Variants in ABCC5 observed in about 807,000 individuals in gnomAD.
ABCC5 encodes the protein ATP-binding cassette sub-family C member 5.
Under a neutral mutation model 160.9 loss-of-function variants are expected in ABCC5, and 61 were observed. That is an observed-to-expected ratio of 0.38 (90% CI 0.31 to 0.47). The LOEUF (loss-of-function observed/expected upper bound fraction) is 0.47, where lower values mean the gene tolerates loss of function less well. Ranked by LOEUF, ABCC5 falls within the 20% of genes least tolerant of loss-of-function variation. ABCC5 has a pLI of 0.99. For synonymous variants in ABCC5, 666 were observed against 700.6 expected (o/e 0.95, Z 0.78); for missense variants, 1,308 against 1,813.3 (o/e 0.72, Z 5.06).
chr3:184,014,697 A>G lies in ABCC5; in HGVS notation c.-55-250T>C, dbSNP rs115717431. Among the ~76,000 whole-genome samples, 645 of 152,280 alleles carry G rather than the reference A, an allele frequency of 4.2e-3. 6 individuals are homozygous for G. Among genetic ancestry groups the G allele is most frequent in the African/African-American group, 0.015 (619 of 41,570 alleles). ...CAACTCTAAGGGAAAAAAAATTAGA[A>G]ACAGTAAACACACTAGTAAAGAGAC... On this transcript the variant is annotated intron_variant, in intron 1 of 29. Transcript: ENST00000334444.
Position 183,943,730 on chromosome 3 carries a change from G to A in ABCC5, c.3505-814C>T, listed in dbSNP as rs570129515. 2.6e-5 allele frequency among the ~76,000 whole-genome samples: 4 copies of A among 152,290 alleles called. No individual in the cohort carries two copies. In the East Asian group the frequency reaches 7.7e-4, roughly 29 times the overall value. ...CTCTGTGTTGGGACAGTCAGTGGGA[G>A]GGCAGGCCTCTGAAATGTGACCGGT... On this transcript the variant is annotated intron_variant, in intron 24 of 29. Transcript: ENST00000334444.
intron 24 of ABCC5, among the ~76,000 whole-genome samples, chr3:183,943,125 G>A (rs1714523975): frequency 6.6e-6 from 1 of 152,156 alleles, no homozygotes; most frequent in African/African-American, 2.4e-5. Flanking sequence ...AAGTGTCATG[G>A]CTACTAGCAG....
rs145086042 is a variant in ABCC5, at chr3:183,987,427, G to A, written c.591+343C>T. 6.2e-4 allele frequency: 329 copies of A among 529,006 alleles called. No homozygotes were observed. The highest frequency in any genetic ancestry group is 9.7e-4 in the Middle Eastern group (2 of 2,056). 32.8% of individuals were successfully genotyped at this position (529,006 alleles called of 1,614,324 possible). A position where few individuals can be genotyped will look rare whatever the true frequency, so the allele number is the denominator to read the frequency against. Reference sequence around the variant, plus strand: ...GGCTCACCAGCCCGGGCCACACAACGTGCTCTCACCCACTCATAGCACTGC... The same window carrying A: ...GGCTCACCAGCCCGGGCCACACAACATGCTCTCACCCACTCATAGCACTGC... On this transcript the variant is annotated intron_variant, in intron 5 of 29. Transcript: ENST00000334444. The surrounding 1 kb of genome is among the most constrained non-coding windows in gnomAD (Gnocchi z 4.2).
chr3:183,930,738 T>C (rs536669003), intron 26 of ABCC5, among the ~76,000 whole-genome samples: 2 of 152,320 alleles, frequency 1.3e-5, no homozygotes, highest in South Asian at 4.1e-4. Context: ...TCCTTCCCTA[T>C]AGGGTTCAGT....
intron 5 of ABCC5, chr3:183,985,477 A>G: frequency 9.7e-7 from 1 of 1,028,498 alleles, no homozygotes; most frequent in Non-Finnish European, 1.5e-6. Context: ...GAGAGGTTGG[A>G]AGGGTGGGAA....
intron 2 of ABCC5, among the ~76,000 whole-genome samples, chr3:184,012,521 C>G (rs1721841113): frequency 6.6e-6 from 1 of 152,178 alleles, no homozygotes; most frequent in African/African-American, 2.4e-5. Flanking sequence ...AGTAGCTTAT[C>G]CAAAGTCCCA....
intron 11 of ABCC5, 145 bp from the exon 12 acceptor site, chr3:183,967,911 A>C: frequency 1.0e-5 from 7 of 673,392 alleles, no homozygotes; most frequent in Non-Finnish European, 1.9e-5. Context: ...CTGTTTTCTC[A>C]CTCATTAGCT....
intron 8 of ABCC5, among the ~76,000 whole-genome samples, chr3:183,981,081 T>C (rs1718702044): frequency 6.6e-6 from 1 of 152,248 alleles, no homozygotes; most frequent in Non-Finnish European, 1.5e-5. Flanking sequence ...CAGCTCCTGA[T>C]GAGGTTATGG....
chr3:183,969,437 A>G (rs1317607892), intron 11 of ABCC5, among the ~76,000 whole-genome samples: 6 of 152,214 alleles, frequency 3.9e-5, no homozygotes, highest in Non-Finnish European at 7.3e-5. Context: ...TCACGCCTAT[A>G]ATCCCCACAC....
chr3:183,971,989 G>A (rs182743244), intron 10 of ABCC5, 70 bp from the exon 11 acceptor site: 89 of 1,603,068 alleles, frequency 5.6e-5, no homozygotes, highest in Non-Finnish European at 6.8e-5. Context: ...AGCCTAGGGC[G>A]TACACTCACG....
At chr3:183,942,605 G>A in intron 25 of ABCC5, 122 bp downstream of exon 25, 2 of 1,294,416 alleles carry the variant, frequency 1.5e-6, no homozygotes, top group Non-Finnish European at 2.2e-6. Context: ...ATTGGTTTCA[G>A]TAGGGGGCTG....
intron 25 of ABCC5, among the ~76,000 whole-genome samples, chr3:183,939,623 T>G (rs1259776449): frequency 6.6e-6 from 1 of 152,218 alleles, no homozygotes; most frequent in East Asian, 1.9e-4. Flanking sequence ...GTGCTGAAAC[T>G]TTACTGCCAC....
intron 2 of ABCC5, among the ~76,000 whole-genome samples, chr3:183,996,542 C>A (rs73048466): frequency 8.0e-4 from 122 of 152,276 alleles, no homozygotes; most frequent in African/African-American, 2.8e-3. Context: ...AAATCAAAGG[C>A]TCTTTTTAAA....
chr3:183,978,885 T>C (rs1437396267), intron 8 of ABCC5, among the ~76,000 whole-genome samples: 2 of 152,236 alleles, frequency 1.3e-5, no homozygotes, highest in African/African-American at 2.4e-5. Flanking sequence ...TCTTCTATGA[T>C]ACCTTTTTCT....
chr3:183,989,634 A>G (rs1345048658), intron 2 of ABCC5, among the ~76,000 whole-genome samples: 1 of 151,014 alleles, frequency 6.6e-6, no homozygotes, highest in Non-Finnish European at 1.5e-5. Context: ...CAGAAAAACT[A>G]ATCAGATAGT....
Position 183,971,757 on chromosome 3 carries a change from A to G in ABCC5, c.1567T>C (p.Ser523Pro). ...TPKMKKDKRA[S>P]RGKKEKVRQL... ...CTCACCTTCTCTTTCTTGCCCCTGG[A>G]AGCCCTCTTGTCTTTTTTCATTTTG... is the stretch of plus-strand genomic sequence containing the variant. The change falls in exon 11 of 30, where the codon TCC becomes CCC. Residue 523 changes from serine (S) to proline (P), a missense_variant. Around this residue, in one of 3 missense-constraint regions of ABCC5, gnomAD observed 1,142 missense variants for 1,527.1 expected, o/e 0.75. Coordinates refer to ENST00000334444, the MANE Select transcript of ABCC5 (RefSeq NM_005688.4). 1 of 1,614,134 alleles carries G rather than the reference A, an allele frequency of 6.2e-7. No homozygotes were observed. Among genetic ancestry groups the G allele is most frequent in the Non-Finnish European group, 8.5e-7 (1 of 1,180,030 alleles).
chr3:183,952,142 CTCTTTTTTT>C, intron 18 of ABCC5, 139 bp from the exon 19 acceptor site: 3 of 586,482 alleles, frequency 5.1e-6, no homozygotes, highest in Non-Finnish European at 7.8e-6. Context: ...CTTTGTCCAC[CTCTTTTTTT>C]TTTTTTTTTT....
At position 183,940,462 on chromosome 3, in the gene ABCC5, G is replaced by GA. The variant is rs537025178; in HGVS notation, c.3694+2264dup. On this transcript the variant is annotated intron_variant, in intron 25 of 29. Coordinates refer to ENST00000334444, the MANE Select transcript of ABCC5 (RefSeq NM_005688.4). ...GCAACAGACTGAGACTCTGTCTCAG[G>GA]AAAAAAAAAAAAAAAAAAAAAAAAA... Among the ~76,000 whole-genome samples, 407 of 64,574 alleles carry GA rather than the reference G, an allele frequency of 6.3e-3. 30 individuals are homozygous for GA. Among genetic ancestry groups the GA allele is most frequent in the African/African-American group, 0.017 (300 of 17,186 alleles). The allele number at this position is 64,574 out of a possible 152,430, so 42.4% of individuals were successfully genotyped here.
chr3:183,923,701 T>C (rs1203071039), intron 29 of ABCC5, among the ~76,000 whole-genome samples: 1 of 152,196 alleles, frequency 6.6e-6, no homozygotes, highest in Non-Finnish European at 1.5e-5. Flanking sequence ...TTTTAACACC[T>C]ACTTACAAAG....
Sources: allele counts gnomAD v4.1 joint callset (sites outside exome capture counted in the v4.1 genomes callset), GRCh38; gene constraint gnomAD v4.1.1; regional missense constraint gnomAD v4.1.1; non-coding constraint Gnocchi (gnomAD v3.1); transcripts MANE v1.5; gene names NCBI Gene and HGNC (gene_info 2026-07-23, HGNC 2026-07-21).